Variants in ACO2 observed in about 807,000 individuals in gnomAD.
ACO2 encodes the protein aconitase 2.
Under a neutral mutation model 84.5 loss-of-function variants are expected in ACO2, and 31 were observed. That is an observed-to-expected ratio of 0.37 (90% CI 0.28 to 0.50). ACO2 has a LOEUF of 0.50. ACO2 is among the 20% of genes least tolerant of loss of function. The probability of loss-of-function intolerance (pLI) is 0.97; values close to 1 mark genes in which losing one functional copy is unlikely to be tolerated. For synonymous variants in ACO2, 414 were observed against 412.7 expected, an observed-to-expected ratio of 1.00 and a Z score of -0.04; for missense variants, 685 against 1,029.3, an observed-to-expected ratio of 0.67 and a Z score of 4.58.
intron 3 of ACO2, among the ~76,000 whole-genome samples, chr22:41,510,795 T>C (rs1029729512): frequency 6.6e-5 from 10 of 152,170 alleles, no homozygotes; most frequent in Admixed American, 5.2e-4. Context: ...CTTCAGATTA[T>C]AGGCAGGATG....
Position 41,524,920 on chromosome 22 carries a change from CA to C in ACO2, c.1559del (p.Lys520ArgfsTer39), listed in dbSNP as rs1252879915. On this transcript the variant is annotated frameshift_variant, in exon 13 of 18. Coordinates refer to ENST00000216254, the MANE Select transcript of ACO2 (RefSeq NM_001098.3). LOFTEE classifies it high-confidence loss of function. ...ETDYLTGTDGKKFRLEAPDAD... is the reference protein window; with the variant it reads ...ETDYLTGTDGXKFRLEAPDAD... Reference sequence around the variant, plus strand: ...CCGACTACCTGACGGGCACGGATGGCAAGAAGTTCAGGCTGGAGGCTCCGGA... The same window carrying C: ...CCGACTACCTGACGGGCACGGATGGCAGAAGTTCAGGCTGGAGGCTCCGGA... The C allele has an allele frequency of 2.5e-6, 4 of 1,614,066 alleles. No homozygotes were observed. In the African/African-American group the frequency reaches 5.3e-5, roughly 22 times the overall value.
chr22:41,513,291 TCA>T (rs2066449737), intron 4 of ACO2, among the ~76,000 whole-genome samples: 1 of 151,964 alleles, frequency 6.6e-6, no homozygotes, highest in Admixed American at 6.5e-5. Flanking sequence ...TGATGGCAGC[TCA>T]CATCTGCCAC....
chr22:41,525,229 C>T lies in ACO2; in HGVS notation c.1642C>T (p.Pro548Ser). 6.2e-7 allele frequency: 1 copy of T among 1,614,136 alleles called. No homozygotes were observed. Among genetic ancestry groups the T allele is most frequent in the Non-Finnish European group, 8.5e-7 (1 of 1,180,014 alleles). Residue 548 changes from proline (P) to serine (S), a missense_variant, in exon 14 of 18, where the codon CCC becomes TCC. Pro to Ser is a moderately conservative substitution (Grantham distance 74, BLOSUM62 -1). Transcript: ENST00000216254. ...AGGGCAGGACACCTACCAGCACCCA[C>T]CCAAGGACAGCAGCGGGCAGCATGT... ...DPGQDTYQHP[P>S]KDSSGQHVDV...
At chr22:41,505,429 A>G (rs1298470780) in intron 2 of ACO2, among the ~76,000 whole-genome samples, 4 of 149,554 alleles carry the variant, frequency 2.7e-5, no homozygotes, top group Non-Finnish European at 5.9e-5. Context: ...AATAATAACA[A>G]TAATAATAAT....
chr22:41,526,576 T>G lies in ACO2; in HGVS notation c.1953+123T>G, dbSNP rs1372870133. The G allele has an allele frequency of 3.6e-5, 41 of 1,141,672 alleles. 1 individual carries two copies. The East Asian group carries it at 4.4e-4, about 12-fold the overall frequency. The allele number at this position is 1,141,672 out of a possible 1,614,324, so 70.7% of individuals were successfully genotyped here. A position where few individuals can be genotyped will look rare whatever the true frequency, so the allele number is the denominator to read the frequency against. On this transcript the variant is annotated intron_variant, in intron 15 of 17. Transcript: ENST00000216254. Reference sequence around the variant, plus strand: ...GAGGCCGACCAAGCCCAAAGGGGACTGCTGTGGAAGGGAGGAGAGGCCTGC... The same window carrying G: ...GAGGCCGACCAAGCCCAAAGGGGACGGCTGTGGAAGGGAGGAGAGGCCTGC...
Position 41,524,707 on chromosome 22 carries a change from C to G in ACO2, c.1483-139C>G, listed in dbSNP as rs140788195. On this transcript the variant is annotated intron_variant, in intron 12 of 17. Transcript: ENST00000216254. ...CCAAAGATCGTCCTGCAGCTCTGGC[C>G]TCTGAGGAACACAGGGGTCTGGGAA... is the stretch of plus-strand genomic sequence containing the variant. 1,209 of 1,365,932 alleles carry G rather than the reference C, an allele frequency of 8.9e-4. 6 individuals are homozygous for G. In the African/African-American group the frequency reaches 0.016, roughly 18 times the overall value. The allele number at this position is 1,365,932 out of a possible 1,614,324, so 84.6% of individuals were successfully genotyped here. A position where few individuals can be genotyped will look rare whatever the true frequency, so the allele number is the denominator to read the frequency against.
intron 1 of ACO2, among the ~76,000 whole-genome samples, chr22:41,479,216 G>C (rs1017020056): frequency 6.6e-6 from 1 of 152,218 alleles, no homozygotes; most frequent in Non-Finnish European, 1.5e-5. Context: ...CATGGATGTA[G>C]TGGTGGTGTG....
At chr22:41,520,855 A>G (rs2066519374) in intron 9 of ACO2, among the ~76,000 whole-genome samples, 3 of 151,470 alleles carry the variant, frequency 2.0e-5, no homozygotes, top group Non-Finnish European at 4.4e-5. Flanking sequence ...AAAAAAAAAA[A>G]AAATTGGCCA....
At chr22:41,519,228 C>T (rs1025784588) in intron 8 of ACO2, among the ~76,000 whole-genome samples, 1 of 152,194 alleles carries the variant, frequency 6.6e-6, no homozygotes, top group Non-Finnish European at 1.5e-5. Flanking sequence ...CAGATCAGAG[C>T]AGGTGTTTGC....
intron 8 of ACO2, 119 bp from the exon 9 acceptor site, chr22:41,520,052 A>C (rs1428338291): frequency 1.0e-5 from 8 of 798,026 alleles, no homozygotes; most frequent in Non-Finnish European, 1.6e-5. Flanking sequence ...ATGAGGTTTC[A>C]GTCAAGAGAA....
intron 4 of ACO2, 175 bp downstream of exon 4, chr22:41,512,143 ACGTG>A: frequency 1.1e-5 from 6 of 527,902 alleles, no homozygotes; most frequent in Non-Finnish European, 2.0e-5. Context: ...ATGTCATTAT[ACGTG>A]CTCATTTTCT....
chr22:41,525,660 C>T (rs1240762588), intron 14 of ACO2: 3 of 385,236 alleles, frequency 7.8e-6, no homozygotes, highest in Non-Finnish European at 1.4e-5. Context: ...TGGGCTGGGA[C>T]AGTGTGTGTG....
In ACO2 at chr22:41,515,949, A is replaced by G. The variant is rs532870352; in HGVS notation, c.835+32A>G. Reference sequence around the variant, plus strand: ...AAGGCGGCCAGGCGACGTGGCCCCTACCCTGTGCTGGGCCTGATGGGTCTC... The same window carrying G: ...AAGGCGGCCAGGCGACGTGGCCCCTGCCCTGTGCTGGGCCTGATGGGTCTC... On this transcript the variant is annotated intron_variant, in intron 6 of 17. Transcript: ENST00000216254. The surrounding 1 kb of genome is among the most constrained non-coding windows in gnomAD (Gnocchi z 5.8). 1 of 1,601,660 alleles carries G rather than the reference A, an allele frequency of 6.2e-7. No individual in the cohort carries two copies. Among genetic ancestry groups the G allele is most frequent in the Non-Finnish European group, 8.5e-7 (1 of 1,173,948 alleles).
chr22:41,479,850 G>C (rs1022780599), intron 1 of ACO2, among the ~76,000 whole-genome samples: 4 of 152,220 alleles, frequency 2.6e-5, no homozygotes, highest in African/African-American at 9.6e-5. Flanking sequence ...GTGTACGACT[G>C]ATGTAGGCAG....
In ACO2 at chr22:41,527,813, G is replaced by A; in HGVS notation, c.2087-88G>A. 4 of 1,596,204 alleles carry A rather than the reference G, an allele frequency of 2.5e-6. No homozygotes were observed. In the South Asian group the frequency reaches 3.4e-5, roughly 13 times the overall value. On this transcript the variant is annotated intron_variant, in intron 16 of 17. Coordinates refer to ENST00000216254, the MANE Select transcript of ACO2 (RefSeq NM_001098.3). Reference sequence around the variant, plus strand: ...ATTGTCCCAGGCAGCAGGATTAGGGGCATCTCCCAGAGCCCCAGATGGGTT... The same window carrying A: ...ATTGTCCCAGGCAGCAGGATTAGGGACATCTCCCAGAGCCCCAGATGGGTT...
At chr22:41,520,778 G>A (rs536993405) in intron 9 of ACO2, among the ~76,000 whole-genome samples, 2 of 151,558 alleles carry the variant, frequency 1.3e-5, no homozygotes, top group South Asian at 4.2e-4. Flanking sequence ...GGAGGCGGAG[G>A]TTGCAATGAA....
At chr22:41,512,027 C>A in intron 4 of ACO2, 59 bp downstream of exon 4, 1 of 1,418,826 alleles carries the variant, frequency 7.0e-7, no homozygotes, top group Non-Finnish European at 9.6e-7. Flanking sequence ...ATGTTCCAGG[C>A]CTATGGGGGG....
chr22:41,515,254 C>T lies in ACO2; in HGVS notation c.526-123C>T, dbSNP rs1253104273. ...AGACGGCCTGGATTAAATGGGGCTG[C>T]TCCTACCAGTTCCATCCTGGGAGAG... On this transcript the variant is annotated intron_variant, in intron 4 of 17. Transcript: ENST00000216254. The surrounding 1 kb of genome is among the most constrained non-coding windows in gnomAD (Gnocchi z 5.8). The T allele has an allele frequency of 2.0e-5, 24 of 1,185,762 alleles. No homozygotes were observed. Among genetic ancestry groups the T allele is most frequent in the South Asian group, 1.2e-4 (9 of 76,954 alleles). The allele number at this position is 1,185,762 out of a possible 1,614,324, so 73.5% of individuals were successfully genotyped here. A position where few individuals can be genotyped will look rare whatever the true frequency, so the allele number is the denominator to read the frequency against.
At chr22:41,514,125 G>A (rs2146122861) in intron 4 of ACO2, among the ~76,000 whole-genome samples, 1 of 152,232 alleles carries the variant, frequency 6.6e-6, no homozygotes, top group South Asian at 2.1e-4. Context: ...CAAGAGATGA[G>A]ACCTTTGGAC....
Sources: allele counts gnomAD v4.1 joint callset (sites outside exome capture counted in the v4.1 genomes callset), GRCh38; gene constraint gnomAD v4.1.1; non-coding constraint Gnocchi (gnomAD v3.1); transcripts MANE v1.5; gene names NCBI Gene and HGNC (gene_info 2026-07-23, HGNC 2026-07-21).